Variants in CD44 observed in about 807,000 individuals in gnomAD.
CD44 encodes CD44 molecule (IN blood group).
In CD44, 49 loss-of-function variants were observed where a neutral mutation model predicts 88.8. The ratio of observed to expected loss-of-function variants is 0.55; its 90% CI spans 0.44 to 0.70. The LOEUF is 0.70. Ranked by LOEUF, CD44 falls within the 30% of genes least tolerant of loss-of-function variation. The pLI is 0.00. For missense variants in CD44, 883 were observed against 913.8 expected (o/e 0.97, Z 0.43); for synonymous variants, 325 against 312.3 (o/e 1.04, Z -0.43).
Position 35,147,615 on chromosome 11 carries a change from A to C in CD44, c.67+8245A>C, listed in dbSNP as rs564751886. On this transcript the variant is annotated intron_variant, in intron 1 of 17. Coordinates refer to ENST00000428726, the MANE Select transcript of CD44 (RefSeq NM_000610.4). ...CCCATATTCCAGCCCCCTTCCCCCA[A>C]CTTTTTTTTTTTTCAATTTTAGTGC... 3.4e-4 allele frequency among the ~76,000 whole-genome samples: 46 copies of C among 135,716 alleles called. No homozygotes were observed. In the Middle Eastern group the frequency reaches 0.019, roughly 56 times the overall value. The allele number at this position is 135,716 out of a possible 152,430, so 89.0% of individuals were successfully genotyped here. A position where few individuals can be genotyped will look rare whatever the true frequency, so the allele number is the denominator to read the frequency against.
intron 3 of CD44, among the ~76,000 whole-genome samples, chr11:35,181,306 CTA>C (rs1220808154): frequency 2.0e-5 from 3 of 152,156 alleles, no homozygotes; most frequent in Non-Finnish European, 4.4e-5. Context: ...CAGCCTTTCT[CTA>C]TGTCTTTGTG....
intron 3 of CD44, among the ~76,000 whole-genome samples, chr11:35,184,343 C>T (rs77481632): frequency 0.014 from 2,106 of 152,290 alleles, 64 homozygotes; most frequent in African/African-American, 0.048. Flanking sequence ...CATTCTATTA[C>T]AACTTGCTGC....
intron 1 of CD44, among the ~76,000 whole-genome samples, chr11:35,175,482 A>G (rs1490259059): frequency 1.3e-5 from 2 of 152,206 alleles, no homozygotes; most frequent in Non-Finnish European, 2.9e-5. Flanking sequence ...GTGTATATAG[A>G]TACATACTTT....
intron 1 of CD44, among the ~76,000 whole-genome samples, chr11:35,173,778 T>C (rs1051134412): frequency 3.2e-4 from 49 of 152,218 alleles, no homozygotes; most frequent in African/African-American, 1.2e-3. Flanking sequence ...TGGTTGCCCA[T>C]ACAATTCAAT....
At chr11:35,224,443 G>T (rs1231710563) in intron 17 of CD44, among the ~76,000 whole-genome samples, 1 of 152,112 alleles carries the variant, frequency 6.6e-6, no homozygotes, top group African/African-American at 2.4e-5. Context: ...TTCCTTTAAA[G>T]AATCTATCTG....
At chr11:35,165,793 G>T (rs1006554415) in intron 1 of CD44, among the ~76,000 whole-genome samples, 1 of 152,076 alleles carries the variant, frequency 6.6e-6, no homozygotes, top group South Asian at 2.1e-4. Flanking sequence ...CAGAGTTTAG[G>T]CTAGAACCAG....
intron 3 of CD44, among the ~76,000 whole-genome samples, chr11:35,182,366 C>T (rs1032479027): frequency 6.6e-6 from 1 of 151,784 alleles, no homozygotes; most frequent in East Asian, 1.9e-4. Context: ...AAATGGAGTG[C>T]GTGAAGCCAG....
intron 1 of CD44, among the ~76,000 whole-genome samples, chr11:35,166,316 G>A (rs901311678): frequency 4.6e-5 from 7 of 151,942 alleles, no homozygotes; most frequent in African/African-American, 1.7e-4. Context: ...CAGAATTCTG[G>A]TGCAGTGAAG....
rs1331283240 is a variant in CD44 at position 35,156,429 on chromosome 11, G to A, written c.67+17059G>A. ...GATGTGATTGTGTCTTAGGCAGGAA[G>A]GGTGCCGGTTCTTTTCAGTATCTAA... On this transcript the variant is annotated intron_variant, in intron 1 of 17. Transcript: ENST00000428726. 1.3e-5 allele frequency among the ~76,000 whole-genome samples: 2 copies of A among 152,352 alleles called. 1 individual carries two copies. Among genetic ancestry groups the A allele is most frequent in the Middle Eastern group, 6.8e-3 (2 of 294 alleles).
intron 1 of CD44, among the ~76,000 whole-genome samples, chr11:35,144,459 G>T (rs1858696102): frequency 6.6e-6 from 1 of 152,232 alleles, no homozygotes; most frequent in African/African-American, 2.4e-5. Context: ...TAATGGGAAG[G>T]TTGTAGGCGT....
chr11:35,139,682 C>T (rs1857513326), intron 1 of CD44: 2 of 616,130 alleles, frequency 3.2e-6, no homozygotes, highest in Non-Finnish European at 6.1e-6. Flanking sequence ...CTCCCGGATG[C>T]GCACAGTCGT....
chr11:35,215,646 G>A (rs1399664254), intron 15 of CD44, among the ~76,000 whole-genome samples: 1 of 152,094 alleles, frequency 6.6e-6, no homozygotes, highest in Non-Finnish European at 1.5e-5. Flanking sequence ...CACTTTAGGA[G>A]GCCGAGGCAG....
intron 3 of CD44, among the ~76,000 whole-genome samples, chr11:35,182,001 A>G (rs1324329327): frequency 1.8e-5 from 2 of 109,904 alleles, no homozygotes; most frequent in Non-Finnish European, 3.4e-5. Context: ...ATTTATATTT[A>G]TATATATGTA....
In CD44 at chr11:35,230,899, C is replaced by T. The variant is rs1485910556; in HGVS notation, c.*1566C>T. 6.6e-6 allele frequency: 1 copy of T among 152,328 alleles called. No individual in the cohort carries two copies. The highest frequency in any genetic ancestry group is 1.5e-5 in the Non-Finnish European group (1 of 68,114). The allele number at this position is 152,328 out of a possible 1,614,324, so 9.4% of individuals were successfully genotyped here. A position where few individuals can be genotyped will look rare whatever the true frequency, so the allele number is the denominator to read the frequency against. On this transcript the variant is annotated 3_prime_UTR_variant, in exon 18 of 18. Coordinates refer to ENST00000428726, the MANE Select transcript of CD44 (RefSeq NM_000610.4). ...TACTAAAAGTCATTTGTTACCTAAA[C>T]TTATGTGCTTAACAGGCAATGCTTC...
chr11:35,204,660 G>C lies in CD44; in HGVS notation c.1282+20G>C, dbSNP rs779386866. 5 of 1,610,000 alleles carry C rather than the reference G, an allele frequency of 3.1e-6. No individual in the cohort carries two copies. The highest frequency in any genetic ancestry group is 3.4e-6 in the Non-Finnish European group (4 of 1,177,138). ...CAGCTGGTAATGGATGGTTTAACAA[G>C]TAAATTTGGATGGAAACTTCCTTTT... On this transcript the variant is annotated intron_variant, in intron 10 of 17. Coordinates refer to ENST00000428726, the MANE Select transcript of CD44 (RefSeq NM_000610.4).
chr11:35,227,868 G>A lies in CD44; in HGVS notation c.2025-1261G>A, dbSNP rs377052062. Reference sequence around the variant, plus strand: ...CATAAAGGCCTGGATTTGAATATTGGCTCTGTCATTCTTACTTTCTGTGTG... The same window carrying A: ...CATAAAGGCCTGGATTTGAATATTGACTCTGTCATTCTTACTTTCTGTGTG... On this transcript the variant is annotated intron_variant, in intron 17 of 17. Transcript: ENST00000428726. Among the ~76,000 whole-genome samples, 4 of 152,302 alleles carry A rather than the reference G, an allele frequency of 2.6e-5. No individual in the cohort carries two copies. The East Asian group carries it at 7.7e-4, about 29-fold the overall frequency.
intron 5 of CD44, among the ~76,000 whole-genome samples, chr11:35,193,538 T>G (rs1454149436): frequency 6.6e-6 from 1 of 152,218 alleles, no homozygotes; most frequent in African/African-American, 2.4e-5. Flanking sequence ...TAGCATCACT[T>G]TTTTGAGGAA....
intron 3 of CD44, among the ~76,000 whole-genome samples, chr11:35,184,070 G>A (rs758574984): frequency 8.5e-5 from 13 of 152,126 alleles, no homozygotes; most frequent in Non-Finnish European, 1.6e-4. Context: ...CAAGTCCTCA[G>A]ATTCAGGAAC....
chr11:35,156,129 A>G (rs1941831494), intron 1 of CD44, among the ~76,000 whole-genome samples: 1 of 152,196 alleles, frequency 6.6e-6, no homozygotes, highest in Admixed American at 6.5e-5. Context: ...ATTGGATTTT[A>G]TATTAAAAAT....
Sources: allele counts gnomAD v4.1 joint callset (sites outside exome capture counted in the v4.1 genomes callset), GRCh38; gene constraint gnomAD v4.1.1; transcripts MANE v1.5; gene names NCBI Gene and HGNC (gene_info 2026-07-23, HGNC 2026-07-21).